SLC30A8: variants seen among roughly 807,000 people sequenced by gnomAD.
The protein encoded by SLC30A8 is proton-coupled zinc antiporter SLC30A8.
In SLC30A8, 27 loss-of-function variants were observed where a neutral mutation model predicts 36.9. That is an observed-to-expected ratio of 0.73 (90% CI 0.54 to 1.01). The LOEUF (loss-of-function observed/expected upper bound fraction) is 1.01. SLC30A8 is among the 50% of genes least tolerant of loss of function. The pLI is 0.00. For synonymous variants in SLC30A8, 164 were observed against 172.4 expected (o/e 0.95, Z 0.38); for missense variants, 439 against 452.0 (o/e 0.97, Z 0.26).
At chr8:117,016,929 C>T (rs1816538699) in intron 1 of SLC30A8, among the ~76,000 whole-genome samples, 2 of 151,928 alleles carry the variant, frequency 1.3e-5, no homozygotes, top group Non-Finnish European at 2.9e-5. Flanking sequence ...ATCTAGCATG[C>T]TCACAACAAG....
At chr8:116,968,584 C>T (rs1322045336) in intron 1 of SLC30A8, among the ~76,000 whole-genome samples, 1 of 151,498 alleles carries the variant, frequency 6.6e-6, no homozygotes, top group Non-Finnish European at 1.5e-5. Context: ...ATGACCAAGC[C>T]TGCCATTAGA....
At chr8:117,008,918 G>C (rs1426267435) in intron 1 of SLC30A8, among the ~76,000 whole-genome samples, 1 of 152,142 alleles carries the variant, frequency 6.6e-6, no homozygotes, top group Non-Finnish European at 1.5e-5. Flanking sequence ...CATCCGGAGT[G>C]TCTAGTTATG....
chr8:117,033,111 G>A (rs1195585869), intron 1 of SLC30A8, among the ~76,000 whole-genome samples: 1 of 152,140 alleles, frequency 6.6e-6, no homozygotes, highest in Non-Finnish European at 1.5e-5. Flanking sequence ...GTGGTACTTG[G>A]CATGACCATG....
chr8:116,988,939 C>T (rs1222103839), intron 1 of SLC30A8, among the ~76,000 whole-genome samples: 4 of 152,158 alleles, frequency 2.6e-5, no homozygotes, highest in African/African-American at 9.7e-5. Flanking sequence ...AAAGTCTCCT[C>T]TTGTAGGGTA....
chr8:116,963,126 T>G (rs1320484617), intron 1 of SLC30A8, among the ~76,000 whole-genome samples: 1 of 152,106 alleles, frequency 6.6e-6, no homozygotes, highest in Non-Finnish European at 1.5e-5. Flanking sequence ...AAATCTCACA[T>G]CATGGAATTG....
intron 1 of SLC30A8, among the ~76,000 whole-genome samples, chr8:116,997,786 A>G (rs1201820793): frequency 2.0e-5 from 3 of 152,202 alleles, no homozygotes; most frequent in Admixed American, 6.5e-5. Flanking sequence ...CCAGTCGTTC[A>G]TTCATTCAAT....
rs183978390 is a variant in SLC30A8, at chr8:117,009,532, G to A, written c.-265-29687G>A. Among the ~76,000 whole-genome samples, 488 of 152,220 alleles carry A rather than the reference G, an allele frequency of 3.2e-3. 6 individuals are homozygous for A. Among genetic ancestry groups the A allele is most frequent in the Middle Eastern group, 0.01 (3 of 294 alleles). On this transcript the variant is annotated intron_variant, in intron 1 of 10. Coordinates refer to the SLC30A8 transcript ENST00000427715. ...TTGTGATCTTGTGACAAATCATGGGGACTCAATGAATATTAACAAATCCCC... is the reference window on the plus strand; with the variant it reads ...TTGTGATCTTGTGACAAATCATGGGAACTCAATGAATATTAACAAATCCCC...
At chr8:117,103,616 A>G (rs534929110) in intron 2 of SLC30A8, among the ~76,000 whole-genome samples, 2 of 152,330 alleles carry the variant, frequency 1.3e-5, no homozygotes, top group South Asian at 4.1e-4. Flanking sequence ...CTGGGACTAC[A>G]GGCATGAACC....
chr8:117,006,171 A>C (rs939142227), intron 1 of SLC30A8, among the ~76,000 whole-genome samples: 6 of 152,236 alleles, frequency 3.9e-5, no homozygotes, highest in Admixed American at 6.5e-5. Flanking sequence ...AATAGGATAG[A>C]AATTAGGATG....
intron 2 of SLC30A8, among the ~76,000 whole-genome samples, chr8:117,048,497 A>G (rs1056626989): frequency 6.6e-6 from 1 of 152,168 alleles, no homozygotes; most frequent in Non-Finnish European, 1.5e-5. Context: ...ATGCATCTTT[A>G]TGTACCTATC....
rs749209774 is a variant in SLC30A8 at position 117,060,850 on chromosome 8, CTTTG to C, written c.-226+21596_-226+21599del. Among the ~76,000 whole-genome samples the C allele has an allele frequency of 1.4e-3, 220 of 152,220 alleles. 2 individuals are homozygous for C. The highest frequency in any genetic ancestry group is 4.9e-3 in the African/African-American group (202 of 41,540). ...CCCCAGGTAACTTTGCCTCTCATCA[CTTTG>C]TTTATTTATTTATTTTTAGTTCAAA... On this transcript the variant is annotated intron_variant, in intron 2 of 10. Coordinates refer to the SLC30A8 transcript ENST00000427715.
At chr8:117,156,857 T>C (rs967709093) in intron 3 of SLC30A8, among the ~76,000 whole-genome samples, 1 of 152,344 alleles carries the variant, frequency 6.6e-6, no homozygotes, top group African/African-American at 2.4e-5. Flanking sequence ...ATATATTACA[T>C]TACTCTGCTT....
intron 1 of SLC30A8, among the ~76,000 whole-genome samples, chr8:117,023,117 G>A (rs1371693060): frequency 6.6e-6 from 1 of 152,136 alleles, no homozygotes; most frequent in Non-Finnish European, 1.5e-5. Flanking sequence ...AAAGACACAT[G>A]AAAAAATGTT....
At chr8:117,120,748 A>T (rs965488672) in intron 2 of SLC30A8, among the ~76,000 whole-genome samples, 7 of 151,516 alleles carry the variant, frequency 4.6e-5, no homozygotes, top group Non-Finnish European at 7.4e-5. Flanking sequence ...GGGAACTTCT[A>T]AAAAAAACTC....
At chr8:117,054,953 G>T (rs1335196219) in intron 2 of SLC30A8, among the ~76,000 whole-genome samples, 1 of 152,122 alleles carries the variant, frequency 6.6e-6, no homozygotes, top group African/African-American at 2.4e-5. Flanking sequence ...ATGGTTTCTA[G>T]TGTAAAAAGG....
chr8:117,133,715 A>G (rs17738213), upstream of SLC30A8, among the ~76,000 whole-genome samples: 5,936 of 152,096 alleles, frequency 0.039, 161 homozygotes, highest in Non-Finnish European at 0.061. Context: ...ACACAGGTGG[A>G]TTAGTAATTC....
intron 2 of SLC30A8, among the ~76,000 whole-genome samples, chr8:117,116,022 G>A (rs144444348): frequency 4.6e-5 from 7 of 152,134 alleles, no homozygotes; most frequent in African/African-American, 1.7e-4. Context: ...AGAGATTTTT[G>A]TGGAGGGGAG....
intron 2 of SLC30A8, among the ~76,000 whole-genome samples, chr8:117,047,387 C>A (rs62510474): frequency 0.13 from 19,320 of 152,050 alleles, 1,868 homozygotes; most frequent in African/African-American, 0.27. Context: ...CAAGCTCTAT[C>A]CCTAATTCTT....
At chr8:117,019,893 G>A (rs558226195) in intron 1 of SLC30A8, among the ~76,000 whole-genome samples, 2 of 152,330 alleles carry the variant, frequency 1.3e-5, no homozygotes, top group African/African-American at 4.8e-5. Flanking sequence ...AGTGTAGCAA[G>A]TGAGGCCCTG....
Sources: allele counts gnomAD v4.1 joint callset (sites outside exome capture counted in the v4.1 genomes callset), GRCh38; gene constraint gnomAD v4.1.1; transcripts MANE v1.5; gene names NCBI Gene and HGNC (gene_info 2026-07-23, HGNC 2026-07-21).